The following BCKDK variants were observed in gnomAD, a reference collection of about 807,000 sequenced individuals.
BCKDK encodes the protein branched-chain alpha-ketoacid dehydrogenase kinase.
A neutral mutation model predicts 43.9 loss-of-function variants in BCKDK; 28 were observed. The ratio of observed to expected loss-of-function variants is 0.64; its 90% CI spans 0.47 to 0.87. The LOEUF (loss-of-function observed/expected upper bound fraction) is 0.87. Ranked by LOEUF, BCKDK falls within the 40% of genes least tolerant of loss-of-function variation. The pLI is 0.00. For missense variants in BCKDK, 483 were observed against 581.4 expected, an observed-to-expected ratio of 0.83 and a Z score of 1.74; for synonymous variants, 257 against 234.3, an observed-to-expected ratio of 1.10 and a Z score of -0.88.
chr16:31,109,658 C>G lies in BCKDK; in HGVS notation c.265-15C>G. 6.2e-6 allele frequency: 10 copies of G among 1,613,964 alleles called. No homozygotes were observed. Among genetic ancestry groups the G allele is most frequent in the Non-Finnish European group, 8.5e-6 (10 of 1,179,908 alleles). On this transcript the variant is annotated splice_polypyrimidine_tract_variant and intron_variant, in intron 3 of 11. Coordinates refer to ENST00000219794, the MANE Select transcript of BCKDK (RefSeq NM_005881.4). The surrounding 1 kb of genome is among the most constrained non-coding windows in gnomAD (Gnocchi z 5.3). ...TCAGGCTCCAGCCCCGCCTTCCCTT[C>G]TCATTTTCTCCCAGAAAAGTGCTCG... is the stretch of plus-strand genomic sequence containing the variant.
downstream of BCKDK, among the ~76,000 whole-genome samples, chr16:31,113,174 A>T (rs2057427775): frequency 6.6e-6 from 1 of 152,208 alleles, no homozygotes; most frequent in African/African-American, 2.4e-5. Flanking sequence ...CAGGGAAGAA[A>T]GGCCTAAGGG....
downstream of BCKDK, among the ~76,000 whole-genome samples, chr16:31,117,206 C>T (rs2057452398): frequency 6.6e-6 from 1 of 151,478 alleles, no homozygotes; most frequent in Non-Finnish European, 1.5e-5. Context: ...CCCGTCTCTA[C>T]TAAAAATACA....
chr16:31,116,443 C>A (rs934456406), downstream of BCKDK, among the ~76,000 whole-genome samples: 1 of 151,546 alleles, frequency 6.6e-6, no homozygotes, highest in Non-Finnish European at 1.5e-5. Flanking sequence ...GATCTCCGCC[C>A]GCCTCGGCCT....
At position 31,111,132 on chromosome 16, in the gene BCKDK, G is replaced by A. The variant is rs755953122; in HGVS notation, c.758G>A (p.Arg253His). The change falls in exon 9 of 12, where the codon CGC becomes CAC. Residue 253 changes from arginine (R) to histidine (H), a missense_variant. Physicochemically the swap from Arg to His is conservative, Grantham distance 29. Transcript: ENST00000219794. ...AAGTATGGCAATGCGCCCCGTGTCC[G>A]CATCAATGGCCATGTGGCTGCCCGG... The part of the protein sequence containing the change: ...EHKYGNAPRV[R>H]INGHVAARFP... 8.7e-6 allele frequency: 14 copies of A among 1,614,032 alleles called. No individual in the cohort carries two copies. Among genetic ancestry groups the A allele is most frequent in the Admixed American group, 5.0e-5 (3 of 60,000 alleles).
downstream of BCKDK, among the ~76,000 whole-genome samples, chr16:31,113,200 G>A (rs573772344): frequency 6.6e-6 from 1 of 152,346 alleles, no homozygotes; most frequent in East Asian, 1.9e-4. Flanking sequence ...TGGTGGGGCT[G>A]GGAGGAGAAC....
At chr16:31,113,162 GC>G (rs140504669), downstream of BCKDK, among the ~76,000 whole-genome samples, 26 of 152,338 alleles carry the variant, frequency 1.7e-4, no homozygotes, top group East Asian at 5.0e-3. Context: ...TACCCACCTT[GC>G]CAGGGAAGAA....
chr16:31,117,389 T>TAAATAAATAAATAAATAAAG, downstream of BCKDK: 1 of 193,148 alleles, frequency 5.2e-6, no homozygotes. Flanking sequence ...AATAAATAAA[T>TAAATAAATAAATAAATAAAG]AAATAAATAA....
downstream of BCKDK, among the ~76,000 whole-genome samples, chr16:31,113,883 A>AGGAAGG (rs2057431377): frequency 6.6e-6 from 1 of 152,146 alleles, no homozygotes; most frequent in Admixed American, 6.6e-5. Flanking sequence ...TAGGGGAAGT[A>AGGAAGG]GGAAGGGGAA....
In BCKDK at chr16:31,108,713, G is replaced by T. The variant is rs1464161013; in HGVS notation, c.-178+234G>T. 6.6e-6 allele frequency: 1 copy of T among 152,310 alleles called. No individual in the cohort carries two copies. The highest frequency in any genetic ancestry group is 1.5e-5 in the Non-Finnish European group (1 of 68,094). The allele number at this position is 152,310 out of a possible 1,614,324, so 9.4% of individuals were successfully genotyped here. A position where few individuals can be genotyped will look rare whatever the true frequency, so the allele number is the denominator to read the frequency against. The stretch of plus-strand genomic sequence containing the variant: ...GCACGTTCGCTGGCCGCGCTCCCAG[G>T]GCCCGGGTTTGAAGGCGCTGGGCAG... On this transcript the variant is annotated intron_variant, in intron 1 of 11. Coordinates refer to ENST00000219794, the MANE Select transcript of BCKDK (RefSeq NM_005881.4). The surrounding 1 kb of genome is among the most constrained non-coding windows in gnomAD (Gnocchi z 6.2).
downstream of BCKDK, among the ~76,000 whole-genome samples, chr16:31,114,726 T>C (rs895550455): frequency 6.6e-6 from 1 of 152,206 alleles, no homozygotes; most frequent in Admixed American, 6.5e-5. Flanking sequence ...TACATAGTTA[T>C]ATGATTGATA....
chr16:31,115,571 A>C (rs1014559858), downstream of BCKDK, among the ~76,000 whole-genome samples: 4 of 151,302 alleles, frequency 2.6e-5, no homozygotes, highest in African/African-American at 9.7e-5. Context: ...CTGTCACCCA[A>C]GCTGGAGTGC....
At chr16:31,113,296 A>G (rs2057428298), downstream of BCKDK, among the ~76,000 whole-genome samples, 1 of 152,162 alleles carries the variant, frequency 6.6e-6, no homozygotes, top group Non-Finnish European at 1.5e-5. Context: ...CCTACCCTTC[A>G]CGGGGATGGA....
chr16:31,109,394 G>C lies in BCKDK; in HGVS notation c.171G>C (p.Ser57=), dbSNP rs2057390772. 6.2e-7 allele frequency: 1 copy of C among 1,607,410 alleles called. No individual in the cohort carries two copies. Among genetic ancestry groups the C allele is most frequent in the Admixed American group, 1.7e-5 (1 of 59,612 alleles). The change falls in exon 2 of 12, where the codon TCG becomes TCC. Residue 57 remains serine, a synonymous_variant. Coordinates refer to ENST00000219794, the MANE Select transcript of BCKDK (RefSeq NM_005881.4). The surrounding 1 kb of genome is among the most constrained non-coding windows in gnomAD (Gnocchi z 5.3). ...SKTVTSFYNQ[S]AIDAAAEKPS... ...CCGTCACCTCCTTTTACAACCAGTC[G>C]GCCATCGACGCGGCAGCGGAGAAGG...
chr16:31,109,193 A>G lies in BCKDK; in HGVS notation c.-31A>G. 6.7e-7 allele frequency: 1 copy of G among 1,483,676 alleles called. No individual in the cohort carries two copies. Among genetic ancestry groups the G allele is most frequent in the Non-Finnish European group, 8.9e-7 (1 of 1,121,636 alleles). 91.9% of individuals were successfully genotyped at this position (1,483,676 alleles called of 1,614,324 possible). A position where few individuals can be genotyped will look rare whatever the true frequency, so the allele number is the denominator to read the frequency against. ...TCAGTCCTAGCGGATCCTCAGTCCT[A>G]GCGGCCACCGGGTCTGAAAGGAGCA... On this transcript the variant is annotated 5_prime_UTR_variant, in exon 2 of 12. Transcript: ENST00000219794. This position sits in a 1 kb window ranked among gnomAD's most constrained non-coding sequence, Gnocchi z 5.3.
downstream of BCKDK, among the ~76,000 whole-genome samples, chr16:31,116,616 C>A (rs899569034): frequency 6.6e-6 from 1 of 151,858 alleles, no homozygotes; most frequent in South Asian, 2.1e-4. Context: ...GTCTCTTCAA[C>A]CTTCAAAAAT....
chr16:31,117,615 C>T (rs1474685351), downstream of BCKDK: 4 of 1,249,962 alleles, frequency 3.2e-6, no homozygotes, highest in East Asian at 3.2e-5. Flanking sequence ...GCCCGCCCCA[C>T]GCACTGCTGA....
intron 8 of BCKDK, 75 bp from the exon 9 acceptor site, chr16:31,111,016 A>C: frequency 6.3e-7 from 1 of 1,589,068 alleles, no homozygotes; most frequent in East Asian, 2.2e-5. Context: ...TATGTTACTT[A>C]GGGGGGCAGA....
In BCKDK at chr16:31,109,940, G is replaced by A. The variant is rs1203671316; in HGVS notation, c.376-137G>A. On this transcript the variant is annotated intron_variant, in intron 4 of 11. Coordinates refer to ENST00000219794, the MANE Select transcript of BCKDK (RefSeq NM_005881.4). The surrounding 1 kb of genome is among the most constrained non-coding windows in gnomAD (Gnocchi z 5.3). ...CAGAAGCCAAAGGTGTGTATTCACG[G>A]AGCCTGGAAGGGTCGAAGTGGGGGT... 2.8e-6 allele frequency: 4 copies of A among 1,407,688 alleles called. No individual in the cohort carries two copies. The highest frequency in any genetic ancestry group is 2.3e-5 in the East Asian group (1 of 43,250). The allele number at this position is 1,407,688 out of a possible 1,614,324, so 87.2% of individuals were successfully genotyped here. A position where few individuals can be genotyped will look rare whatever the true frequency, so the allele number is the denominator to read the frequency against.
At chr16:31,113,594 A>G (rs143119015), downstream of BCKDK, among the ~76,000 whole-genome samples, 1 of 152,178 alleles carries the variant, frequency 6.6e-6, no homozygotes, top group Admixed American at 6.6e-5. Flanking sequence ...CTCCCACCTC[A>G]GCCTTCTGAG....
Sources: gnomAD v4.1 joint callset for allele counts (sites outside exome capture counted in the v4.1 genomes callset) on GRCh38, gnomAD v4.1.1 for gene constraint, Gnocchi (gnomAD v3.1) non-coding constraint, MANE v1.5 for transcripts, NCBI Gene and HGNC (gene_info 2026-07-23, HGNC 2026-07-21) for gene names.